CIZ1: variants seen among roughly 807,000 people sequenced by gnomAD.
CIZ1 encodes the protein CDKN1A interacting zinc finger protein 1, also known as cip1-interacting zinc finger protein.
A neutral mutation model predicts 118.6 loss-of-function variants in CIZ1; 58 were observed. The ratio of observed to expected loss-of-function variants is 0.49; its 90% CI spans 0.40 to 0.61. CIZ1 has a LOEUF of 0.61. Among genes scored for constraint, CIZ1 ranks in the 20% least tolerant of loss-of-function variants. The pLI is 0.00. For synonymous variants in CIZ1, 448 were observed against 443.4 expected, an observed-to-expected ratio of 1.01 and a Z score of -0.13; for missense variants, 921 against 1,115.9, an observed-to-expected ratio of 0.83 and a Z score of 2.49.
intron 11 of CIZ1, among the ~76,000 whole-genome samples, chr9:128,176,090 T>C (rs543081261): frequency 6.6e-6 from 1 of 152,280 alleles, no homozygotes; most frequent in Admixed American, 6.5e-5. Flanking sequence ...CAACCTGTCC[T>C]CTCCCACAGG....
In CIZ1 at chr9:128,166,118, G is replaced by A. The variant is rs1829381050; in HGVS notation, c.*79C>T. 1.2e-5 allele frequency: 12 copies of A among 1,035,116 alleles called. No homozygotes were observed. The highest frequency in any genetic ancestry group is 1.5e-5 in the Non-Finnish European group (11 of 744,278). 64.1% of individuals were successfully genotyped at this position (1,035,116 alleles called of 1,614,324 possible). On this transcript the variant is annotated 3_prime_UTR_variant, in exon 17 of 17. Transcript: ENST00000372938. This position sits in a 1 kb window ranked among gnomAD's most constrained non-coding sequence, Gnocchi z 4.4. ...GATTTTGAGTAAAAACATGAACCAT[G>A]TCAAAGTTTCCAGGCAGACTCCTAA...
intron 15 of CIZ1, 79 bp downstream of exon 15, chr9:128,167,016 C>G: frequency 6.3e-7 from 1 of 1,584,726 alleles, no homozygotes. Flanking sequence ...AATGCCATGG[C>G]TGGGATATGG....
At chr9:128,202,878 T>C (rs1833574982) in intron 1 of CIZ1, 1 of 152,206 alleles carries the variant, frequency 6.6e-6, no homozygotes, top group Non-Finnish European at 1.5e-5. Context: ...TTCTAGCAGG[T>C]ACCTAGTAAA....
At position 128,169,614 on chromosome 9, in the gene CIZ1, C is replaced by A. The variant is rs550273493; in HGVS notation, c.2032-95G>T. The A allele has an allele frequency of 2.0e-5, 31 of 1,564,340 alleles. No individual in the cohort carries two copies. In the South Asian group the frequency reaches 2.1e-4, roughly 10 times the overall value. The stretch of plus-strand genomic sequence containing the variant: ...CCAGCAAGAGCTCACCTCCCCCGGG[C>A]AGGCCCACCATATCTGTAACAAGCC... On this transcript the variant is annotated intron_variant, in intron 12 of 16. Coordinates refer to ENST00000372938, the MANE Select transcript of CIZ1 (RefSeq NM_001131016.2).
At position 128,191,343 on chromosome 9, in the gene CIZ1, G is replaced by C. The variant is rs1212619335; in HGVS notation, c.-6+89C>G. On this transcript the variant is annotated intron_variant, in intron 1 of 16. Coordinates refer to ENST00000372938, the MANE Select transcript of CIZ1 (RefSeq NM_001131016.2). The surrounding 1 kb of genome is among the most constrained non-coding windows in gnomAD (Gnocchi z 5.5). ...CCGCCACCTCCTCGCGCCCCACTCCGCCCGCTCCCACCCCGCCAGCCGCCT... is the reference window on the plus strand; with the variant it reads ...CCGCCACCTCCTCGCGCCCCACTCCCCCCGCTCCCACCCCGCCAGCCGCCT... 1 of 430,528 alleles carries C rather than the reference G, an allele frequency of 2.3e-6. No individual in the cohort carries two copies. The highest frequency in any genetic ancestry group is 3.1e-6 in the Non-Finnish European group (1 of 319,510). The allele number at this position is 430,528 out of a possible 1,614,324, so 26.7% of individuals were successfully genotyped here. A position where few individuals can be genotyped will look rare whatever the true frequency, so the allele number is the denominator to read the frequency against.
intron 1 of CIZ1, among the ~76,000 whole-genome samples, chr9:128,198,618 G>A (rs1833434384): frequency 6.6e-6 from 1 of 151,730 alleles, no homozygotes; most frequent in African/African-American, 2.4e-5. Context: ...CAGATCACGA[G>A]GTCAGGAGAT....
Position 128,190,423 on chromosome 9 carries a change from T to C in CIZ1, c.192A>G (p.Pro64=). 1.2e-6 allele frequency: 2 copies of C among 1,613,438 alleles called. No individual in the cohort carries two copies. The highest frequency in any genetic ancestry group is 1.7e-6 in the Non-Finnish European group (2 of 1,179,634). ...AVSRGLPPQQ[P]QQPLLNLQGT... is the part of the protein sequence containing the mutation. ...CCTGGAGATTCAGAAGCGGCTGCTG[T>C]GGCTGCTGCGGGGGGAGCCCCCTGT... Residue 64 remains proline (P), a synonymous_variant, in exon 3 of 17, where the codon CCA becomes CCG. Coordinates refer to ENST00000372938, the MANE Select transcript of CIZ1 (RefSeq NM_001131016.2).
Position 128,191,487 on chromosome 9 carries a change from C to G in CIZ1, c.-61G>C. 1.0e-6 allele frequency: 1 copy of G among 994,162 alleles called. No homozygotes were observed. The highest frequency in any genetic ancestry group is 1.2e-6 in the Non-Finnish European group (1 of 834,658). The allele number at this position is 994,162 out of a possible 1,614,324, so 61.6% of individuals were successfully genotyped here. ...GTCGCCCCCACGGATGGGCCGGCCC[C>G]GCAGCCCCCACGCCTCGGCCGGGCG... On this transcript the variant is annotated 5_prime_UTR_variant, in exon 1 of 17. Coordinates refer to ENST00000372938, the MANE Select transcript of CIZ1 (RefSeq NM_001131016.2). This position sits in a 1 kb window ranked among gnomAD's most constrained non-coding sequence, Gnocchi z 5.5.
intron 3 of CIZ1, among the ~76,000 whole-genome samples, chr9:128,189,646 C>T (rs946916755): frequency 1.3e-5 from 2 of 151,750 alleles, no homozygotes; most frequent in Non-Finnish European, 2.9e-5. Context: ...ATGGGGAAAC[C>T]CCGTCTCTAC....
At chr9:128,191,883 C>G, upstream of CIZ1, 1 of 1,450,060 alleles carries the variant, frequency 6.9e-7, no homozygotes, top group Non-Finnish European at 9.1e-7. This position sits in a 1 kb window ranked among gnomAD's most constrained non-coding sequence, Gnocchi z 5.5. Flanking sequence ...GTCCTGCGAT[C>G]CTGGGGCCCC....
In CIZ1 at chr9:128,180,775, C is replaced by G. The variant is rs1588189553; in HGVS notation, c.628G>C (p.Asp210His). 1 of 1,611,964 alleles carries G rather than the reference C, an allele frequency of 6.2e-7. No homozygotes were observed. ...GCTTCCTCAGACCCCTCTGGGGGGT[C>G]TGACTTGTCTTCCACAGGCATTGTC... ...SQTMPVEDKS[D>H]PPEGSEEAAE... The change falls in exon 6 of 17, where the codon GAC becomes CAC. Residue 210 changes from aspartate to histidine, a missense_variant. Transcript: ENST00000372938.
chr9:128,178,564 C>G (rs898775781), intron 8 of CIZ1, 74 bp from the exon 9 acceptor site: 2 of 1,608,414 alleles, frequency 1.2e-6, no homozygotes, highest in African/African-American at 1.3e-5. Flanking sequence ...GCAGCCAGAA[C>G]CTTGAGGCCC....
At chr9:128,193,731 G>A (rs1283418231), upstream of CIZ1, among the ~76,000 whole-genome samples, 2 of 152,038 alleles carry the variant, frequency 1.3e-5, no homozygotes, top group Non-Finnish European at 2.9e-5. Flanking sequence ...ATCAAAGACT[G>A]CCCAGGCTGC....
Position 128,178,395 on chromosome 9 carries a change from C to T in CIZ1, c.1594G>A (p.Glu532Lys). 1 of 1,613,886 alleles carries T rather than the reference C, an allele frequency of 6.2e-7. No individual in the cohort carries two copies. The highest frequency in any genetic ancestry group is 8.5e-7 in the Non-Finnish European group (1 of 1,179,920). The change falls in exon 9 of 17, where the codon GAA becomes AAA. Residue 532 changes from glutamate to lysine, a missense_variant. Physicochemically the swap from Glu to Lys is moderately conservative, Grantham distance 56. Transcript: ENST00000372938. The part of the protein sequence containing the change: ...SACGLDVGEC[E>K]NRAREMPGVW... ...CCTGGCATCTCTCTCGCTCTGTTTT[C>T]ACATTCTCCCACATCTAGGCCACAG...
intron 11 of CIZ1, among the ~76,000 whole-genome samples, chr9:128,173,978 C>T (rs927508386): frequency 6.6e-6 from 1 of 151,636 alleles, no homozygotes; most frequent in African/African-American, 2.4e-5. Context: ...TGCACTCCAG[C>T]CTGGGTGACA....
At chr9:128,181,554 C>T (rs988017904) in intron 5 of CIZ1, among the ~76,000 whole-genome samples, 16 of 152,180 alleles carry the variant, frequency 1.1e-4, no homozygotes, top group African/African-American at 3.9e-4. Flanking sequence ...CCAGGCCATA[C>T]AGAGATAGGA....
chr9:128,171,544 G>T (rs1830117220), intron 11 of CIZ1, among the ~76,000 whole-genome samples: 1 of 150,978 alleles, frequency 6.6e-6, no homozygotes, highest in African/African-American at 2.4e-5. Flanking sequence ...TGACCAACAT[G>T]GTGAAACCCC....
chr9:128,193,075 G>A (rs1833271181), upstream of CIZ1, among the ~76,000 whole-genome samples: 7 of 152,250 alleles, frequency 4.6e-5, no homozygotes, highest in South Asian at 6.2e-4. Flanking sequence ...CCAAAGCTCT[G>A]GACTGGCTCT....
intron 3 of CIZ1, among the ~76,000 whole-genome samples, chr9:128,189,144 C>T (rs546131429): frequency 1.3e-5 from 2 of 152,110 alleles, no homozygotes; most frequent in African/African-American, 2.4e-5. Context: ...ACCATGTTGC[C>T]CAAGCTGTTC....
Sources: gnomAD v4.1 joint callset for allele counts (sites outside exome capture counted in the v4.1 genomes callset) on GRCh38, gnomAD v4.1.1 for gene constraint, Gnocchi (gnomAD v3.1) non-coding constraint, MANE v1.5 for transcripts, NCBI Gene and HGNC (gene_info 2026-07-23, HGNC 2026-07-21) for gene names.